Variants in ASTN2 observed in about 807,000 individuals in gnomAD.
ASTN2 encodes astrotactin 2, also known as astrotactin-2.
A neutral mutation model predicts 139.8 loss-of-function variants in ASTN2; 54 were observed. The ratio of observed to expected loss-of-function variants is 0.39; its 90% CI spans 0.31 to 0.48. ASTN2 has a LOEUF of 0.48. Among genes scored for constraint, ASTN2 ranks in the 20% least tolerant of loss-of-function variants. The probability of loss-of-function intolerance (pLI) is 0.95; values close to 1 mark genes in which losing one functional copy is unlikely to be tolerated. For synonymous variants in ASTN2, 756 were observed against 719.5 expected (o/e 1.05, Z -0.81); for missense variants, 1,565 against 1,725.1 (o/e 0.91, Z 1.64).
intron 4 of ASTN2, among the ~76,000 whole-genome samples, chr9:117,135,559 T>C (rs1372334983): frequency 6.6e-6 from 1 of 152,224 alleles, no homozygotes; most frequent in Non-Finnish European, 1.5e-5. Flanking sequence ...TAGGCATTCA[T>C]TCTACAGACA....
intron 19 of ASTN2, among the ~76,000 whole-genome samples, chr9:116,535,759 C>G (rs939071998): frequency 1.3e-5 from 2 of 152,130 alleles, no homozygotes; most frequent in Non-Finnish European, 2.9e-5. Context: ...TTGTTGGTAA[C>G]CCGACCTTTC....
At chr9:117,194,640 A>T (rs1275934640) in intron 3 of ASTN2, among the ~76,000 whole-genome samples, 1 of 152,200 alleles carries the variant, frequency 6.6e-6, no homozygotes, top group Non-Finnish European at 1.5e-5. Context: ...GCTTGCTGAC[A>T]TCTAAGCTAA....
intron 6 of ASTN2, among the ~76,000 whole-genome samples, chr9:117,021,365 G>A: frequency 6.6e-6 from 1 of 152,082 alleles, no homozygotes. Flanking sequence ...CCTTTCTGAG[G>A]TGCTAATATC....
At chr9:117,097,216 A>C (rs556757181) in intron 4 of ASTN2, among the ~76,000 whole-genome samples, 1 of 152,312 alleles carries the variant, frequency 6.6e-6, no homozygotes, top group African/African-American at 2.4e-5. Flanking sequence ...CTTCAGAGAC[A>C]AACTCAGAGG....
chr9:117,135,117 C>A (rs1829920086), intron 4 of ASTN2, among the ~76,000 whole-genome samples: 1 of 152,176 alleles, frequency 6.6e-6, no homozygotes, highest in Non-Finnish European at 1.5e-5. Flanking sequence ...CTTCCAGGAT[C>A]TAGACTAGGT....
chr9:116,989,189 T>G (rs1301876102), intron 7 of ASTN2, among the ~76,000 whole-genome samples: 1 of 152,222 alleles, frequency 6.6e-6, no homozygotes, highest in Non-Finnish European at 1.5e-5. Flanking sequence ...AAATTCCATT[T>G]ATACAATTAT....
At chr9:116,585,493 A>G (rs1409477786) in intron 19 of ASTN2, 1 of 152,184 alleles carries the variant, frequency 6.6e-6, no homozygotes, top group Non-Finnish European at 1.5e-5. Flanking sequence ...GGAACAGAAT[A>G]GAGAACTCAG....
intron 2 of ASTN2, among the ~76,000 whole-genome samples, chr9:117,257,372 AC>A (rs1454939445): frequency 6.6e-6 from 1 of 152,204 alleles, no homozygotes; most frequent in Non-Finnish European, 1.5e-5. Flanking sequence ...CACAACTATG[AC>A]CAAAGAGTAG....
At chr9:116,714,439 C>T (rs1326801810) in intron 16 of ASTN2, among the ~76,000 whole-genome samples, 1 of 152,192 alleles carries the variant, frequency 6.6e-6, no homozygotes, top group Non-Finnish European at 1.5e-5. Context: ...AATTATGTCT[C>T]ATGATAATAA....
At chr9:116,577,250 C>T (rs539982389) in intron 19 of ASTN2, among the ~76,000 whole-genome samples, 43 of 152,266 alleles carry the variant, frequency 2.8e-4, no homozygotes, top group African/African-American at 8.9e-4. Flanking sequence ...TGTTATAGGC[C>T]AGGCACGGTG....
At chr9:116,991,594 A>G (rs1408782396) in intron 7 of ASTN2, among the ~76,000 whole-genome samples, 1 of 152,192 alleles carries the variant, frequency 6.6e-6, no homozygotes, top group East Asian at 1.9e-4. Flanking sequence ...ATTAAAAAAA[A>G]AAAAAAAAGC....
chr9:117,173,639 C>T (rs779759017), intron 3 of ASTN2, among the ~76,000 whole-genome samples: 11 of 151,590 alleles, frequency 7.3e-5, no homozygotes, highest in South Asian at 2.1e-4. Flanking sequence ...AAATAATAAA[C>T]AAAATAATAA....
At chr9:117,029,132 T>A (rs1483143248) in intron 6 of ASTN2, among the ~76,000 whole-genome samples, 2 of 152,310 alleles carry the variant, frequency 1.3e-5, no homozygotes, top group South Asian at 4.2e-4. Flanking sequence ...TAGGCATACA[T>A]GACCTTTCAA....
At chr9:117,376,173 A>G (rs1830120150) in intron 1 of ASTN2, among the ~76,000 whole-genome samples, 1 of 152,206 alleles carries the variant, frequency 6.6e-6, no homozygotes, top group African/African-American at 2.4e-5. Flanking sequence ...TGAGCCCACC[A>G]CAGGATGGCA....
intron 3 of ASTN2, among the ~76,000 whole-genome samples, chr9:117,195,261 C>A (rs187534086): frequency 4.7e-4 from 71 of 152,262 alleles, no homozygotes; most frequent in Non-Finnish European, 6.6e-4. Flanking sequence ...GAGAGCCATC[C>A]ATGCCCTGAC....
At chr9:117,002,527 T>C (rs1353421843) in intron 7 of ASTN2, among the ~76,000 whole-genome samples, 2 of 152,206 alleles carry the variant, frequency 1.3e-5, no homozygotes, top group Non-Finnish European at 2.9e-5. Context: ...AGAATTCAGA[T>C]ACATGGATGC....
intron 2 of ASTN2, among the ~76,000 whole-genome samples, chr9:117,218,012 G>A (rs186478582): frequency 6.6e-6 from 1 of 152,324 alleles, no homozygotes; most frequent in African/African-American, 2.4e-5. Flanking sequence ...TAGAGCAGCT[G>A]AGATTCAAAC....
At chr9:117,350,161 T>C (rs190750558) in intron 1 of ASTN2, among the ~76,000 whole-genome samples, 2 of 152,292 alleles carry the variant, frequency 1.3e-5, no homozygotes, top group South Asian at 2.1e-4. Context: ...ATCTAAAACA[T>C]TTCCAAAATT....
intron 13 of ASTN2, among the ~76,000 whole-genome samples, chr9:116,803,550 A>T (rs1830954110): frequency 2.6e-5 from 3 of 114,056 alleles, no homozygotes; most frequent in Non-Finnish European, 3.7e-5. Context: ...TTTTAGACGG[A>T]GTCTCACTCT....
Sources: allele counts gnomAD v4.1 joint callset (sites outside exome capture counted in the v4.1 genomes callset), GRCh38; gene constraint gnomAD v4.1.1; transcripts MANE v1.5; gene names NCBI Gene and HGNC (gene_info 2026-07-23, HGNC 2026-07-21).